The following GRM7 variants were observed in gnomAD, a reference collection of about 807,000 sequenced individuals.
The protein encoded by GRM7 is glutamate metabotropic receptor 7.
In GRM7, 35 loss-of-function variants were observed where a neutral mutation model predicts 84.5. That is an observed-to-expected ratio of 0.41 (90% CI 0.32 to 0.55). GRM7 has a LOEUF of 0.55. GRM7 is among the 20% of genes least tolerant of loss of function. The pLI, the probability that GRM7 is intolerant of heterozygous loss-of-function variation, is 0.19. For synonymous variants in GRM7, 487 were observed against 455.1 expected (o/e 1.07, Z -0.89); for missense variants, 1,003 against 1,194.6 (o/e 0.84, Z 2.36).
intron 1 of GRM7, among the ~76,000 whole-genome samples, chr3:7,020,687 A>G (rs1695745180): frequency 6.6e-6 from 1 of 152,236 alleles, no homozygotes; most frequent in African/African-American, 2.4e-5. Flanking sequence ...CTACAACACT[A>G]TAAATATCAT....
intron 7 of GRM7, among the ~76,000 whole-genome samples, chr3:7,500,513 T>A (rs1699850947): frequency 6.6e-6 from 1 of 152,244 alleles, no homozygotes; most frequent in Non-Finnish European, 1.5e-5. Flanking sequence ...CCTGACCTTA[T>A]CCAGTCATCT....
At chr3:7,690,233 C>T (rs967059950) in intron 9 of GRM7, among the ~76,000 whole-genome samples, 6 of 152,066 alleles carry the variant, frequency 3.9e-5, no homozygotes, top group African/African-American at 1.4e-4. Flanking sequence ...GAGTTTCCTT[C>T]GTCTTTGTGC....
At chr3:7,421,010 C>G (rs556955576) in intron 5 of GRM7, among the ~76,000 whole-genome samples, 1 of 152,014 alleles carries the variant, frequency 6.6e-6, no homozygotes, top group Non-Finnish European at 1.5e-5. Flanking sequence ...AAATGCCATG[C>G]CCATAAAAGG....
chr3:7,454,417 T>C (rs1697919452), intron 6 of GRM7, among the ~76,000 whole-genome samples: 1 of 152,096 alleles, frequency 6.6e-6, no homozygotes, highest in South Asian at 2.1e-4. Context: ...GTATGAGCAA[T>C]GCAACATTCA....
At chr3:7,680,706 T>C (rs1419322627) in intron 9 of GRM7, 1 of 182,406 alleles carries the variant, frequency 5.5e-6, no homozygotes, top group Admixed American at 5.5e-5. Flanking sequence ...GAAGCGAAAC[T>C]TTTTTCCTCT....
intron 2 of GRM7, among the ~76,000 whole-genome samples, chr3:7,241,140 A>G (rs1697544775): frequency 1.3e-5 from 2 of 152,286 alleles, no homozygotes; most frequent in South Asian, 2.1e-4. Context: ...ACTTAGCCAA[A>G]GTTTATTTTA....
At chr3:7,052,996 T>C (rs1207905215) in intron 1 of GRM7, among the ~76,000 whole-genome samples, 1 of 151,186 alleles carries the variant, frequency 6.6e-6, no homozygotes, top group African/African-American at 2.4e-5. Flanking sequence ...GCTATATTAT[T>C]TTATATATTT....
At chr3:7,656,782 G>A (rs1461949915) in intron 8 of GRM7, among the ~76,000 whole-genome samples, 1 of 152,040 alleles carries the variant, frequency 6.6e-6, no homozygotes, top group East Asian at 1.9e-4. Flanking sequence ...TCAAAGAGAG[G>A]TTCTAGAAAA....
chr3:7,266,643 A>ACCCC (rs1698651930), intron 2 of GRM7, among the ~76,000 whole-genome samples: 1 of 152,132 alleles, frequency 6.6e-6, no homozygotes, highest in South Asian at 2.1e-4. Flanking sequence ...TTATTTTTCA[A>ACCCC]CTCGGCAAAG....
intron 1 of GRM7, among the ~76,000 whole-genome samples, chr3:7,076,387 T>C (rs575587289): frequency 8.5e-5 from 13 of 152,158 alleles, no homozygotes; most frequent in African/African-American, 3.1e-4. Context: ...GAGGACAGTT[T>C]CCCCCATGCT....
At chr3:7,686,320 T>C (rs1700582818) in intron 9 of GRM7, 1 of 844,742 alleles carries the variant, frequency 1.2e-6, no homozygotes, top group Non-Finnish European at 2.0e-6. Context: ...TGTGCACATT[T>C]ATTTTATACA....
intron 9 of GRM7, among the ~76,000 whole-genome samples, chr3:7,724,326 G>A (rs1489030048): frequency 6.6e-6 from 1 of 152,104 alleles, no homozygotes; most frequent in Non-Finnish European, 1.5e-5. Context: ...GATTTCTAGT[G>A]TACTCTTTCA....
intron 1 of GRM7, among the ~76,000 whole-genome samples, chr3:7,142,528 G>T (rs912076659): frequency 6.6e-6 from 1 of 152,024 alleles, no homozygotes; most frequent in African/African-American, 2.4e-5. Flanking sequence ...ACTATCACAA[G>T]AAGAGGGTGA....
At chr3:6,935,677 A>AATTATT (rs57669228) in intron 1 of GRM7, among the ~76,000 whole-genome samples, 3,763 of 142,398 alleles carry the variant, frequency 0.026, 111 homozygotes, top group African/African-American at 0.066. Flanking sequence ...CTTATTTTTA[A>AATTATT]ATTATTATTA....
At chr3:6,923,075 C>G (rs933027432) in intron 1 of GRM7, among the ~76,000 whole-genome samples, 1 of 151,924 alleles carries the variant, frequency 6.6e-6, no homozygotes, top group Non-Finnish European at 1.5e-5. Context: ...AGTACACTTG[C>G]GGAATCTCGG....
At chr3:7,108,587 G>T (rs1368022244) in intron 1 of GRM7, among the ~76,000 whole-genome samples, 3 of 149,988 alleles carry the variant, frequency 2.0e-5, no homozygotes, top group Non-Finnish European at 4.4e-5. Flanking sequence ...TGTGTCTCAC[G>T]TTCAAGACCA....
At chr3:7,554,230 G>A (rs934997730) in intron 7 of GRM7, among the ~76,000 whole-genome samples, 5 of 152,170 alleles carry the variant, frequency 3.3e-5, no homozygotes, top group African/African-American at 1.2e-4. Context: ...TGTAGATGCT[G>A]GCACTCCTGA....
chr3:7,251,795 G>A (rs1697997052), intron 2 of GRM7, among the ~76,000 whole-genome samples: 2 of 152,042 alleles, frequency 1.3e-5, no homozygotes, highest in African/African-American at 4.8e-5. Context: ...AATGTTCTCT[G>A]GCAACTGGGA....
intron 1 of GRM7, among the ~76,000 whole-genome samples, chr3:7,041,201 A>G (rs1002031509): frequency 1.3e-5 from 2 of 152,158 alleles, no homozygotes; most frequent in Non-Finnish European, 2.9e-5. Flanking sequence ...GTTTATCTTG[A>G]TTCTTAGGTG....
Sources: allele counts gnomAD v4.1 joint callset (sites outside exome capture counted in the v4.1 genomes callset), GRCh38; gene constraint gnomAD v4.1.1; transcripts MANE v1.5; gene names NCBI Gene and HGNC (gene_info 2026-07-23, HGNC 2026-07-21).